The following DNAI3 variants were observed in gnomAD, a reference collection of about 807,000 sequenced individuals.
DNAI3 encodes dynein axonemal intermediate chain 3.
DNAI3 carries 83 observed loss-of-function variants against 115.5 expected under a neutral mutation model. That is an observed-to-expected ratio of 0.72 (90% CI 0.60 to 0.86). The LOEUF is 0.86. Ranked by LOEUF, DNAI3 falls within the 40% of genes least tolerant of loss-of-function variation. DNAI3 has a pLI of 0.00. For synonymous variants in DNAI3, 320 were observed against 347.0 expected, an observed-to-expected ratio of 0.92 and a Z score of 0.86; for missense variants, 1,004 against 1,075.8, an observed-to-expected ratio of 0.93 and a Z score of 0.93.
intron 3 of DNAI3, among the ~76,000 whole-genome samples, chr1:85,080,064 T>C (rs1654585870): frequency 1.4e-5 from 2 of 142,318 alleles, no homozygotes; most frequent in East Asian, 4.2e-4. Context: ...TTTTTTTTTT[T>C]TTTTTGAGAC....
chr1:85,069,263 C>T (rs1390301195), intron 1 of DNAI3, among the ~76,000 whole-genome samples: 1 of 152,204 alleles, frequency 6.6e-6, no homozygotes, highest in African/African-American at 2.4e-5. Context: ...TACTCTTCCT[C>T]TCCCAGATAT....
chr1:85,078,215 A>G (rs1054091459), intron 3 of DNAI3, among the ~76,000 whole-genome samples: 4 of 152,216 alleles, frequency 2.6e-5, no homozygotes, highest in Admixed American at 1.3e-4. Context: ...TGATCCCAGT[A>G]CCACCACTTT....
chr1:85,072,799 C>T (rs1296845939), intron 2 of DNAI3, among the ~76,000 whole-genome samples: 3 of 150,220 alleles, frequency 2.0e-5, no homozygotes, highest in African/African-American at 7.4e-5. Flanking sequence ...ACTAAAAATA[C>T]AAAAAATTAG....
intron 3 of DNAI3, among the ~76,000 whole-genome samples, chr1:85,078,015 G>A (rs921508013): frequency 6.6e-6 from 1 of 152,168 alleles, no homozygotes; most frequent in African/African-American, 2.4e-5. Flanking sequence ...TCTGAGGCAT[G>A]AATTGTGTAG....
At chr1:85,095,098 A>G (rs1162750877) in intron 10 of DNAI3, among the ~76,000 whole-genome samples, 3 of 152,142 alleles carry the variant, frequency 2.0e-5, no homozygotes, top group African/African-American at 7.2e-5. Context: ...AAGCCAAAAC[A>G]CACAAAAACC....
chr1:85,107,630 T>G (rs1019826998), intron 14 of DNAI3, among the ~76,000 whole-genome samples: 1 of 152,202 alleles, frequency 6.6e-6, no homozygotes, highest in Non-Finnish European at 1.5e-5. Context: ...ATGAGGTTTT[T>G]TGGTGAGGTG....
chr1:85,115,154 GT>G (rs924067916), intron 16 of DNAI3, among the ~76,000 whole-genome samples: 1 of 152,094 alleles, frequency 6.6e-6, no homozygotes, highest in Non-Finnish European at 1.5e-5. Flanking sequence ...TACCTTAGTT[GT>G]TTTTTTGCTT....
chr1:85,111,799 T>C (rs1015759169), intron 16 of DNAI3, among the ~76,000 whole-genome samples: 1 of 152,162 alleles, frequency 6.6e-6, no homozygotes, highest in African/African-American at 2.4e-5. Flanking sequence ...GAGGTATAAT[T>C]GACATACAAT....
chr1:85,062,804 TAATGAATGAATGAATG>T (rs10573039), intron 1 of DNAI3, among the ~76,000 whole-genome samples: 21 of 150,666 alleles, frequency 1.4e-4, no homozygotes, highest in African/African-American at 2.0e-4. Flanking sequence ...ATGAGTCAGT[TAATGAATGAATGAATG>T]AATGAATGAA....
intron 17 of DNAI3, among the ~76,000 whole-genome samples, chr1:85,118,270 T>C (rs1246506462): frequency 6.6e-6 from 1 of 152,228 alleles, no homozygotes; most frequent in East Asian, 1.9e-4. Flanking sequence ...GATATAATAA[T>C]GATAATGGCT....
chr1:85,095,908 T>C (rs746046862), intron 10 of DNAI3, 23 bp from the exon 11 acceptor site: 2 of 1,602,464 alleles, frequency 1.2e-6, no homozygotes, highest in African/African-American at 1.3e-5. Flanking sequence ...CATTCTTTCA[T>C]GAATTTGCTG....
intron 15 of DNAI3, among the ~76,000 whole-genome samples, chr1:85,109,163 A>G (rs1277444581): frequency 6.6e-6 from 1 of 152,260 alleles, no homozygotes; most frequent in East Asian, 1.9e-4. Context: ...GAAGAAAAGC[A>G]GTTTTAATTT....
intron 14 of DNAI3, 54 bp from the exon 15 acceptor site, chr1:85,107,979 G>A: frequency 1.5e-6 from 2 of 1,321,208 alleles, no homozygotes; most frequent in Non-Finnish European, 2.0e-6. Flanking sequence ...TGGTAGTCCT[G>A]AGGCTGCACC....
chr1:85,111,837 T>C (rs919774193), intron 16 of DNAI3, among the ~76,000 whole-genome samples: 3 of 152,142 alleles, frequency 2.0e-5, no homozygotes, highest in African/African-American at 4.8e-5. Context: ...AGTGTTTAAT[T>C]TGATATGCTT....
chr1:85,119,705 CT>C (rs565679046), intron 17 of DNAI3, among the ~76,000 whole-genome samples: 30 of 148,430 alleles, frequency 2.0e-4, no homozygotes, highest in African/African-American at 5.2e-4. Flanking sequence ...TTTCTTTTTT[CT>C]TTTTTTTTTG....
intron 16 of DNAI3, among the ~76,000 whole-genome samples, chr1:85,117,506 T>C (rs988258039): frequency 1.3e-5 from 2 of 152,242 alleles, no homozygotes; most frequent in African/African-American, 4.8e-5. Context: ...TGTGCAGGTA[T>C]AGCTAGAGCT....
At chr1:85,082,156 C>T in intron 4 of DNAI3, 144 bp from the exon 5 acceptor site, 1 of 628,262 alleles carries the variant, frequency 1.6e-6, no homozygotes, top group South Asian at 2.2e-5. Context: ...AATAATTTTG[C>T]AATTTGGTGT....
At chr1:85,063,916 T>A (rs2100547185) in intron 1 of DNAI3, among the ~76,000 whole-genome samples, 1 of 152,222 alleles carries the variant, frequency 6.6e-6, no homozygotes, top group South Asian at 2.1e-4. Context: ...CAAACCACAG[T>A]AGTACTCACA....
rs537603573 is a variant in DNAI3, at chr1:85,078,991, T to C, written c.104-2243T>C. Among the ~76,000 whole-genome samples the C allele has an allele frequency of 5.3e-5, 8 of 152,346 alleles. No individual in the cohort carries two copies. In the South Asian group the frequency reaches 1.4e-3, roughly 28 times the overall value. On this transcript the variant is annotated intron_variant, in intron 3 of 22. Coordinates refer to ENST00000294664, the MANE Select transcript of DNAI3 (RefSeq NM_145172.5). ...AGATAACATAGAAAACAATCTTTGA[T>C]GCTGTCTTTCCAGTGTCAAGGATGA...
Sources: gnomAD v4.1 joint callset for allele counts (sites outside exome capture counted in the v4.1 genomes callset) on GRCh38, gnomAD v4.1.1 for gene constraint, MANE v1.5 for transcripts, NCBI Gene and HGNC (gene_info 2026-07-23, HGNC 2026-07-21) for gene names.